The following CEP63 variants were observed in gnomAD, a reference collection of about 807,000 sequenced individuals.
The protein encoded by CEP63 is centrosomal protein 63.
Under a neutral mutation model 89.1 loss-of-function variants are expected in CEP63, and 84 were observed. That is an observed-to-expected ratio of 0.94 (90% CI 0.79 to 1.13). CEP63 has a LOEUF of 1.13. CEP63 is among the 50% of genes most tolerant of loss of function. The pLI, the probability that CEP63 is intolerant of heterozygous loss-of-function variation, is 0.00. For synonymous variants in CEP63, 267 were observed against 272.5 expected (o/e 0.98, Z 0.20); for missense variants, 838 against 813.3 (o/e 1.03, Z -0.37).
At chr3:134,702,992 A>G in the CEP63 span, among the ~76,000 whole-genome samples, 3 of 152,162 alleles carry the variant, frequency 2.0e-5, no homozygotes, top group Non-Finnish European at 4.4e-5. Context: ...AATATAAAAC[A>G]GTCTATTAAA....
chr3:134,726,968 A>T, the CEP63 span, among the ~76,000 whole-genome samples: 6,862 of 151,396 alleles, frequency 0.045, 524 homozygotes, highest in African/African-American at 0.16. Context: ...TCTTGCAGAC[A>T]TGTCTTCCTC....
chr3:134,617,385 A>G, the CEP63 span, among the ~76,000 whole-genome samples: 1 of 152,112 alleles, frequency 6.6e-6, no homozygotes, highest in African/African-American at 2.4e-5. Flanking sequence ...ATATATGTCT[A>G]TTGAGGGCCT....
chr3:134,692,228 T>G, the CEP63 span, among the ~76,000 whole-genome samples: 1 of 152,290 alleles, frequency 6.6e-6, no homozygotes, highest in Non-Finnish European at 1.5e-5. Flanking sequence ...TCATTTACAT[T>G]AGGTATATCT....
At chr3:134,628,184 C>A in the CEP63 span, 3 of 261,758 alleles carry the variant, frequency 1.1e-5, no homozygotes, top group Admixed American at 4.9e-5. Flanking sequence ...CAGATAATGC[C>A]GGGATAAGAA....
At chr3:134,628,834 A>C in the CEP63 span, among the ~76,000 whole-genome samples, 1 of 152,174 alleles carries the variant, frequency 6.6e-6, no homozygotes, top group Non-Finnish European at 1.5e-5. Context: ...ACATGAACCC[A>C]GTCAGTCGAC....
the CEP63 span, among the ~76,000 whole-genome samples, chr3:134,752,964 C>A: frequency 6.6e-6 from 1 of 152,078 alleles, no homozygotes; most frequent in Non-Finnish European, 1.5e-5. Context: ...GGTCTGGTGG[C>A]CAGGAGCCTG....
chr3:134,653,646 G>T, the CEP63 span, among the ~76,000 whole-genome samples: 1 of 152,230 alleles, frequency 6.6e-6, no homozygotes, highest in East Asian at 1.9e-4. Flanking sequence ...AAGGCATTTG[G>T]ATGTATCAGG....
chr3:134,583,668 T>G (rs1243061733), intron 10 of CEP63, among the ~76,000 whole-genome samples: 1 of 152,164 alleles, frequency 6.6e-6, no homozygotes, highest in East Asian at 1.9e-4. Context: ...TGAGGGCTCT[T>G]TTTTGGTTCC....
the CEP63 span, among the ~76,000 whole-genome samples, chr3:134,757,420 A>T: frequency 6.6e-6 from 1 of 152,072 alleles, no homozygotes; most frequent in African/African-American, 2.4e-5. Context: ...AAACAGTTAG[A>T]CTCTGGGCTA....
the CEP63 span, among the ~76,000 whole-genome samples, chr3:134,673,232 A>C: frequency 9.9e-5 from 15 of 152,142 alleles, no homozygotes; most frequent in Non-Finnish European, 1.8e-4. Context: ...TGTTAACTCC[A>C]GTGCTTTTCA....
chr3:134,531,013 T>C (rs1438026834), intron 3 of CEP63, among the ~76,000 whole-genome samples: 2 of 152,176 alleles, frequency 1.3e-5, no homozygotes. Flanking sequence ...TAGGTGTCAC[T>C]GGTATCAAAT....
the CEP63 span, among the ~76,000 whole-genome samples, chr3:134,624,029 T>C: frequency 6.6e-6 from 1 of 152,160 alleles, no homozygotes; most frequent in Admixed American, 6.5e-5. Flanking sequence ...CCAGGGGGCA[T>C]TTCCCCTGGA....
At chr3:134,781,124 A>G in the CEP63 span, among the ~76,000 whole-genome samples, 1 of 152,190 alleles carries the variant, frequency 6.6e-6, no homozygotes, top group Non-Finnish European at 1.5e-5. Flanking sequence ...TGGTAGCTTT[A>G]TAATAAGTTT....
At chr3:134,680,690 G>A in the CEP63 span, among the ~76,000 whole-genome samples, 1 of 152,136 alleles carries the variant, frequency 6.6e-6, no homozygotes, top group African/African-American at 2.4e-5. Flanking sequence ...TCTTCCTATT[G>A]AAAAACTTAA....
At chr3:134,724,282 A>G in the CEP63 span, among the ~76,000 whole-genome samples, 1 of 152,188 alleles carries the variant, frequency 6.6e-6, no homozygotes, top group Non-Finnish European at 1.5e-5. Context: ...TGCTCTGTCA[A>G]ACTTCTCTTT....
At chr3:134,535,045 C>T (rs1422920189) in intron 5 of CEP63, among the ~76,000 whole-genome samples, 1 of 152,122 alleles carries the variant, frequency 6.6e-6, no homozygotes, top group Non-Finnish European at 1.5e-5. Context: ...TTTCTGCACC[C>T]TTAATTTTTT....
chr3:134,690,742 G>GTTTT, the CEP63 span, among the ~76,000 whole-genome samples: 1 of 84,946 alleles, frequency 1.2e-5, no homozygotes, highest in African/African-American at 5.8e-5. Flanking sequence ...GGAAGACCAA[G>GTTTT]ATTTTTTTTT....
chr3:134,757,817 G>T, the CEP63 span, among the ~76,000 whole-genome samples: 1 of 152,248 alleles, frequency 6.6e-6, no homozygotes, highest in East Asian at 1.9e-4. Context: ...GGAGTCATTA[G>T]GTCTGCAGGA....
At chr3:134,773,530 G>C in the CEP63 span, among the ~76,000 whole-genome samples, 5 of 152,192 alleles carry the variant, frequency 3.3e-5, no homozygotes, top group Non-Finnish European at 7.3e-5. Context: ...CTCTGACCCA[G>C]CTTATCTCTC....
Sources: allele counts gnomAD v4.1 joint callset (sites outside exome capture counted in the v4.1 genomes callset), GRCh38; gene constraint gnomAD v4.1.1; transcripts MANE v1.5; gene names NCBI Gene and HGNC (gene_info 2026-07-23, HGNC 2026-07-21).